Variants in VSIG10 observed in about 807,000 individuals in gnomAD.
VSIG10 encodes the protein V-set and immunoglobulin domain-containing protein 10.
A neutral mutation model predicts 58.7 loss-of-function variants in VSIG10; 48 were observed. The ratio of observed to expected loss-of-function variants is 0.82; its 90% confidence interval spans 0.65 to 1.04. The LOEUF is 1.04. VSIG10 is among the 50% of genes least tolerant of loss of function. VSIG10 has a pLI of 0.00. For synonymous variants in VSIG10, 260 were observed against 267.1 expected (o/e 0.97, Z 0.26); for missense variants, 628 against 670.0 (o/e 0.94, Z 0.69).
At chr12:118,078,066 A>G (rs1184194196) in intron 4 of VSIG10, among the ~76,000 whole-genome samples, 1 of 152,236 alleles carries the variant, frequency 6.6e-6, no homozygotes, top group African/African-American at 2.4e-5. Context: ...TTTAAATTTG[A>G]TCCTCAGTGT....
intron 1 of VSIG10, chr12:118,102,180 A>C (rs1364122100): frequency 6.6e-6 from 1 of 152,286 alleles, no homozygotes; most frequent in African/African-American, 2.4e-5. Context: ...CCTGAAAGCC[A>C]GGTCATTCCA....
chr12:118,088,744 G>A (rs1375810845), intron 2 of VSIG10, among the ~76,000 whole-genome samples: 1 of 152,110 alleles, frequency 6.6e-6, no homozygotes, highest in African/African-American at 2.4e-5. Context: ...ACCAACCCCA[G>A]ACGGCTCTGG....
Position 118,103,971 on chromosome 12 carries a change from T to G in VSIG10, c.-300A>C. 3.4e-6 allele frequency: 1 copy of G among 292,120 alleles called. No individual in the cohort carries two copies. Among genetic ancestry groups the G allele is most frequent in the Non-Finnish European group, 6.4e-6 (1 of 157,110 alleles). The allele number at this position is 292,120 out of a possible 1,614,324, so 18.1% of individuals were successfully genotyped here. A position where few individuals can be genotyped will look rare whatever the true frequency, so the allele number is the denominator to read the frequency against. On this transcript the variant is annotated 5_prime_UTR_variant, in exon 1 of 9. Transcript: ENST00000359236. ...CCGGCGGAAAACAACAGGAGCGGGA[T>G]CCCTCCCGCCTCCCAGCCAGGCGGG...
chr12:118,079,152 T>G (rs1334073927), intron 4 of VSIG10, among the ~76,000 whole-genome samples, 194 bp downstream of exon 4: 1 of 151,884 alleles, frequency 6.6e-6, no homozygotes, highest in Non-Finnish European at 1.5e-5. Context: ...GGGACTAGAA[T>G]GAAGAAGCTT....
At chr12:118,093,990 C>A (rs1286776331) in intron 2 of VSIG10, among the ~76,000 whole-genome samples, 3 of 152,122 alleles carry the variant, frequency 2.0e-5, no homozygotes, top group African/African-American at 7.2e-5. Flanking sequence ...TATTATCCCC[C>A]ATTAACAAAT....
At chr12:118,095,923 CTTTTTTTTTTT>C in intron 1 of VSIG10, 109 bp from the exon 2 acceptor site, 2 of 757,686 alleles carry the variant, frequency 2.6e-6, no homozygotes, top group Non-Finnish European at 1.9e-6. Context: ...GGTATATGTT[CTTTTTTTTTTT>C]TTTTTTTTTG....
At position 118,071,530 on chromosome 12, in the gene VSIG10, C is replaced by A. The variant is rs571191414; in HGVS notation, c.1220-61G>T. On this transcript the variant is annotated intron_variant, in intron 5 of 8. Transcript: ENST00000359236. ...AGATATGTGTGCAATTAGAACAACA[C>A]CTCCCTTTCTCTGCGTGGATCCAGT... 6 of 1,466,488 alleles carry A rather than the reference C, an allele frequency of 4.1e-6. No individual in the cohort carries two copies. In the South Asian group the frequency reaches 5.7e-5, roughly 14 times the overall value. The allele number at this position is 1,466,488 out of a possible 1,614,324, so 90.8% of individuals were successfully genotyped here. A position where few individuals can be genotyped will look rare whatever the true frequency, so the allele number is the denominator to read the frequency against.
intron 2 of VSIG10, among the ~76,000 whole-genome samples, chr12:118,092,331 C>T (rs2033322613): frequency 6.6e-6 from 1 of 152,112 alleles, no homozygotes; most frequent in Admixed American, 6.6e-5. Flanking sequence ...TCCCAAAATG[C>T]TAGGATTATG....
At chr12:118,082,001 G>A in intron 3 of VSIG10, 126 bp downstream of exon 3, 1 of 1,103,208 alleles carries the variant, frequency 9.1e-7, no homozygotes, top group Non-Finnish European at 1.2e-6. Flanking sequence ...TGGGCAAGAA[G>A]AGGGAAACTC....
chr12:118,079,892 G>A (rs2032883362), intron 3 of VSIG10, among the ~76,000 whole-genome samples: 1 of 152,196 alleles, frequency 6.6e-6, no homozygotes, highest in South Asian at 2.1e-4. Context: ...GGAGGGCAGT[G>A]GTGCAATCTC....
rs112744551 is a variant in VSIG10 at position 118,095,746 on chromosome 12, G to A, written c.148C>T (p.Leu50=). ...CGGTACCAGGTCACCTGGCCCCTCAGTCCCGAGATGTTGCCACAGTGCAGA... is the reference window on the plus strand; with the variant it reads ...CGGTACCAGGTCACCTGGCCCCTCAATCCCGAGATGTTGCCACAGTGCAGA... ...VTLHCGNISG[L]RGQVTWYRNN... Residue 50 remains leucine, a synonymous_variant, in exon 2 of 9, where the codon CTG becomes TTG. Coordinates refer to ENST00000359236, the MANE Select transcript of VSIG10 (RefSeq NM_019086.6). The A allele has an allele frequency of 0.011, 17,565 of 1,613,562 alleles. 149 individuals are homozygous for A. The highest frequency in any genetic ancestry group is 0.012 in the Non-Finnish European group (14,082 of 1,179,716).
At position 118,075,119 on chromosome 12, in the gene VSIG10, T is replaced by C. The variant is rs569885514; in HGVS notation, c.926-1127A>G. Reference sequence around the variant, plus strand: ...ATATATGTATATATGTGTATATGTATATATATGTGTATATATGTATATATG... The same window carrying C: ...ATATATGTATATATGTGTATATGTACATATATGTGTATATATGTATATATG... On this transcript the variant is annotated intron_variant, in intron 4 of 8. Coordinates refer to ENST00000359236, the MANE Select transcript of VSIG10 (RefSeq NM_019086.6). Among the ~76,000 whole-genome samples the C allele has an allele frequency of 1.9e-4, 27 of 145,902 alleles. 1 individual carries two copies. In the South Asian group the frequency reaches 5.6e-3, roughly 30 times the overall value.
At chr12:118,068,660 C>A in intron 7 of VSIG10, 63 bp from the exon 8 acceptor site, 1 of 1,470,174 alleles carries the variant, frequency 6.8e-7, no homozygotes. Context: ...TCAGCCCTCA[C>A]TGAATAGGAA....
rs760390720 is a variant in VSIG10, at chr12:118,073,753, G to A, written c.1165C>T (p.Arg389Ter). The A allele has an allele frequency of 1.9e-6, 3 of 1,613,776 alleles. No individual in the cohort carries two copies. Among genetic ancestry groups the A allele is most frequent in the African/African-American group, 1.3e-5 (1 of 74,910 alleles). The change falls in exon 5 of 9, where the codon CGA becomes TGA. Residue 389 changes from arginine (R) to a stop codon, truncating the protein, a stop_gained. Coordinates refer to ENST00000359236, the MANE Select transcript of VSIG10 (RefSeq NM_019086.6). LOFTEE classifies it high-confidence loss of function. ...QDLDEGYYIC[R>*]ADSPVGVREM... ...CTCACCCCTACAGGGCTGTCAGCTC[G>A]GCAGATGTAGTAGCCCTCATCCAGG...
At chr12:118,084,846 C>T (rs372504073) in intron 2 of VSIG10, among the ~76,000 whole-genome samples, 2 of 152,126 alleles carry the variant, frequency 1.3e-5, no homozygotes, top group Admixed American at 1.3e-4. Flanking sequence ...GGTGAAACCC[C>T]GTCTCTACTA....
rs371926353 is a variant in VSIG10, at chr12:118,064,202, T to G, written c.*2437A>C. 73 of 152,322 alleles carry G rather than the reference T, an allele frequency of 4.8e-4. No homozygotes were observed. The highest frequency in any genetic ancestry group is 1.7e-3 in the African/African-American group (72 of 41,570). 9.4% of individuals were successfully genotyped at this position (152,322 alleles called of 1,614,324 possible). ...AAAAAATCCTTAAAACTTGAAGACC[T>G]GGATTTTACCTGACCCAGGATATTA... On this transcript the variant is annotated 3_prime_UTR_variant, in exon 9 of 9. Transcript: ENST00000359236.
At chr12:118,100,704 A>AT (rs971001150) in intron 1 of VSIG10, among the ~76,000 whole-genome samples, 1 of 151,990 alleles carries the variant, frequency 6.6e-6, no homozygotes, top group African/African-American at 2.4e-5. Context: ...AAGTTTTTGT[A>AT]TTTTTGTAGA....
intron 8 of VSIG10, 89 bp downstream of exon 8, chr12:118,068,288 G>C: frequency 7.4e-7 from 1 of 1,355,944 alleles, no homozygotes; most frequent in Non-Finnish European, 1.0e-6. Context: ...TCCCACCTTG[G>C]CCTCCCAAAG....
Position 118,097,181 on chromosome 12 carries a change from C to T in VSIG10, c.80-1367G>A, listed in dbSNP as rs116807349. Among the ~76,000 whole-genome samples, 640 of 152,324 alleles carry T rather than the reference C, an allele frequency of 4.2e-3. 3 individuals carry two copies. Among genetic ancestry groups the T allele is most frequent in the African/African-American group, 0.014 (587 of 41,584 alleles). On this transcript the variant is annotated intron_variant, in intron 1 of 8. Transcript: ENST00000359236. ...CCACCCAGTCTGCCCACCATCCATG[C>T]CCCACATCACTGGGGGGCCATCCCA...
Sources: gnomAD v4.1 joint callset for allele counts (sites outside exome capture counted in the v4.1 genomes callset) on GRCh38, gnomAD v4.1.1 for gene constraint, MANE v1.5 for transcripts, NCBI Gene and HGNC (gene_info 2026-07-23, HGNC 2026-07-21) for gene names.